The following HTR3B variants were observed in gnomAD, a reference collection of about 807,000 sequenced individuals.
HTR3B encodes the protein 5-hydroxytryptamine (serotonin) receptor 3B, ionotropic.
Under a neutral mutation model 42.8 loss-of-function variants are expected in HTR3B, and 44 were observed. The ratio of observed to expected loss-of-function variants is 1.03; its 90% confidence interval spans 0.81 to 1.32. The LOEUF (loss-of-function observed/expected upper bound fraction) is 1.32. Ranked by LOEUF, HTR3B falls within the 40% of genes most tolerant of loss-of-function variation. HTR3B has a pLI of 0.00. For synonymous variants in HTR3B, 203 were observed against 209.0 expected, an observed-to-expected ratio of 0.97 and a Z score of 0.25; for missense variants, 527 against 536.5, an observed-to-expected ratio of 0.98 and a Z score of 0.17.
rs535364049 is a variant in HTR3B, at chr11:113,909,565, C to T, written c.213+110C>T. On this transcript the variant is annotated intron_variant, in intron 2 of 8. Coordinates refer to ENST00000260191, the MANE Select transcript of HTR3B (RefSeq NM_006028.5). Reference sequence around the variant, plus strand: ...ATTCTTGAGATTGTAGTTGAACTGGCAGGGAAGTTGCGCTAGATTCATTTT... The same window carrying T: ...ATTCTTGAGATTGTAGTTGAACTGGTAGGGAAGTTGCGCTAGATTCATTTT... 9.2e-6 allele frequency: 8 copies of T among 866,876 alleles called. No individual in the cohort carries two copies. In the Admixed American group the frequency reaches 1.2e-4, roughly 13 times the overall value. The allele number at this position is 866,876 out of a possible 1,614,324, so 53.7% of individuals were successfully genotyped here. A position where few individuals can be genotyped will look rare whatever the true frequency, so the allele number is the denominator to read the frequency against.
intron 2 of HTR3B, among the ~76,000 whole-genome samples, chr11:113,919,260 A>G (rs1949888594): frequency 6.6e-6 from 1 of 152,120 alleles, no homozygotes; most frequent in South Asian, 2.1e-4. Flanking sequence ...AATGTACGAA[A>G]CTTACAACAG....
chr11:113,918,298 G>T, intron 2 of HTR3B, among the ~76,000 whole-genome samples: 1 of 117,292 alleles, frequency 8.5e-6, no homozygotes, highest in African/African-American at 3.8e-5. Flanking sequence ...TGTGTGTGTA[G>T]TTCTATGTAA....
Position 113,943,181 on chromosome 11 carries a change from C to T in HTR3B, c.896C>T (p.Thr299Ile), listed in dbSNP as rs1950150723. The T allele has an allele frequency of 1.2e-6, 2 of 1,612,434 alleles. No homozygotes were observed. Among genetic ancestry groups the T allele is most frequent in the Non-Finnish European group, 1.7e-6 (2 of 1,179,196 alleles). ...CAGGTGCCACGGAGTGTAGGGAGCA[C>T]CCCTCTGATTGGTAAGCAGCCTCGG... ...SNQVPRSVGS[T>I]PLIGHFFTIC... is the part of the protein sequence containing the mutation. Residue 299 changes from threonine (T) to isoleucine (I), a missense_variant, in exon 7 of 9, where the codon ACC becomes ATC. By Grantham distance (89) the Thr-to-Ile change is moderately conservative (BLOSUM62 -1). Transcript: ENST00000260191.
chr11:113,915,959 C>T (rs565890575), intron 2 of HTR3B, among the ~76,000 whole-genome samples: 1 of 152,322 alleles, frequency 6.6e-6, no homozygotes, highest in Admixed American at 6.5e-5. Context: ...CTGCCTCAGC[C>T]TCCTGAGTGG....
At chr11:113,919,629 G>T (rs1419295450) in intron 2 of HTR3B, among the ~76,000 whole-genome samples, 1 of 152,056 alleles carries the variant, frequency 6.6e-6, no homozygotes. Flanking sequence ...AGGAGTTCGA[G>T]ACCAGCCTCA....
chr11:113,929,982 A>C (rs1950016600), intron 2 of HTR3B, among the ~76,000 whole-genome samples: 1 of 151,998 alleles, frequency 6.6e-6, no homozygotes, highest in Non-Finnish European at 1.5e-5. Context: ...TCCACCCACG[A>C]GCCTCAGCCT....
upstream of HTR3B, among the ~76,000 whole-genome samples, chr11:113,903,438 T>C (rs1344925965): frequency 3.4e-5 from 5 of 149,190 alleles, no homozygotes; most frequent in African/African-American, 9.8e-5. Context: ...CTTTTTTTTT[T>C]TTTTTTTTTG....
chr11:113,909,016 G>C, intron 1 of HTR3B: 1 of 541,502 alleles, frequency 1.8e-6, no homozygotes, highest in African/African-American at 1.9e-5. Flanking sequence ...CAAAATGCAA[G>C]ATTGTTGTAA....
chr11:113,905,544 A>T (rs888790779), intron 1 of HTR3B, among the ~76,000 whole-genome samples: 5 of 152,206 alleles, frequency 3.3e-5, no homozygotes, highest in Admixed American at 3.3e-4. Context: ...GTAAGTTTTG[A>T]GTCTACAATT....
chr11:113,946,669 T>C lies in HTR3B; in HGVS notation c.*532T>C, dbSNP rs1288289317. The C allele has an allele frequency of 3.3e-5, 5 of 152,278 alleles. No homozygotes were observed. The highest frequency in any genetic ancestry group is 4.8e-5 in the African/African-American group (2 of 41,462). 9.4% of individuals were successfully genotyped at this position (152,278 alleles called of 1,614,324 possible). ...ACAGTATGAGTATACAGTAAAAAAG[T>C]AAACTTTCCTTCTTATCCCAGTCCA... is the stretch of plus-strand genomic sequence containing the variant. On this transcript the variant is annotated 3_prime_UTR_variant, in exon 9 of 9. Coordinates refer to ENST00000260191, the MANE Select transcript of HTR3B (RefSeq NM_006028.5).
chr11:113,927,753 G>T (rs1949990911), intron 2 of HTR3B, among the ~76,000 whole-genome samples: 1 of 151,980 alleles, frequency 6.6e-6, no homozygotes, highest in Non-Finnish European at 1.5e-5. Flanking sequence ...AGTGGAGACG[G>T]GGTTTCATGG....
chr11:113,910,465 G>C (rs577274728), intron 2 of HTR3B, among the ~76,000 whole-genome samples: 3 of 148,542 alleles, frequency 2.0e-5, no homozygotes, highest in Non-Finnish European at 4.4e-5. Flanking sequence ...TTTTGAGACG[G>C]AGTCTCTCTC....
chr11:113,931,075 C>T (rs546795956), intron 2 of HTR3B, among the ~76,000 whole-genome samples: 1 of 152,240 alleles, frequency 6.6e-6, no homozygotes, highest in East Asian at 1.9e-4. Flanking sequence ...GACAACGTAA[C>T]ATTTTTTAGT....
upstream of HTR3B, chr11:113,904,603 C>T (rs565861624): frequency 1.6e-3 from 361 of 231,220 alleles, 1 homozygote; most frequent in Admixed American, 3.3e-3. Flanking sequence ...GTGGAATTTC[C>T]TCTCCTTAGG....
At chr11:113,936,169 A>G (rs1462628727) in intron 6 of HTR3B, among the ~76,000 whole-genome samples, 1 of 152,116 alleles carries the variant, frequency 6.6e-6, no homozygotes. Context: ...GGGTGAGAGC[A>G]TTTGATTTTG....
intron 6 of HTR3B, 131 bp from the exon 7 acceptor site, chr11:113,942,851 T>C (rs1950146603): frequency 1.4e-6 from 1 of 733,944 alleles, no homozygotes; most frequent in South Asian, 1.8e-5. Context: ...ATTTCTAAGA[T>C]AAATTAGACA....
chr11:113,937,805 G>A (rs75898840), intron 6 of HTR3B, among the ~76,000 whole-genome samples: 5,640 of 152,296 alleles, frequency 0.037, 453 homozygotes, highest in East Asian at 0.29. Flanking sequence ...GGCAGGTCGC[G>A]TGTATTAGTG....
chr11:113,942,658 A>G (rs1427792893), intron 6 of HTR3B, among the ~76,000 whole-genome samples: 3 of 152,144 alleles, frequency 2.0e-5, no homozygotes, highest in African/African-American at 7.2e-5. Flanking sequence ...CAGCCCTTAA[A>G]GTTGTGAAGA....
intron 6 of HTR3B, among the ~76,000 whole-genome samples, chr11:113,936,700 C>G (rs1950095002): frequency 6.6e-6 from 1 of 152,180 alleles, no homozygotes; most frequent in South Asian, 2.1e-4. Context: ...GCTTAAATGG[C>G]AGCAACTTTC....
Sources: gnomAD v4.1 joint callset for allele counts (sites outside exome capture counted in the v4.1 genomes callset) on GRCh38, gnomAD v4.1.1 for gene constraint, MANE v1.5 for transcripts, NCBI Gene and HGNC (gene_info 2026-07-23, HGNC 2026-07-21) for gene names.